The following CERS6 variants were observed in gnomAD, a reference collection of about 807,000 sequenced individuals.
The protein encoded by CERS6 is ceramide synthase 6.
Under a neutral mutation model 56.8 loss-of-function variants are expected in CERS6, and 26 were observed. The ratio of observed to expected loss-of-function variants is 0.46; its 90% CI spans 0.34 to 0.63. CERS6 has a LOEUF of 0.63. Ranked by LOEUF, CERS6 falls within the 30% of genes least tolerant of loss-of-function variation. CERS6 has a pLI of 0.01. For missense variants in CERS6, 415 were observed against 467.5 expected (o/e 0.89, Z 1.04); for synonymous variants, 164 against 173.3 (o/e 0.95, Z 0.42).
At chr2:168,461,904 G>A (rs1287369235) in intron 1 of CERS6, among the ~76,000 whole-genome samples, 1 of 152,186 alleles carries the variant, frequency 6.6e-6, no homozygotes, top group Non-Finnish European at 1.5e-5. Context: ...CTTCTGTGAT[G>A]GGGAAGGACA....
chr2:168,722,697 C>T lies in CERS6; in HGVS notation c.845+4719C>T, dbSNP rs937513909. Among the ~76,000 whole-genome samples, 34 of 152,302 alleles carry T rather than the reference C, an allele frequency of 2.2e-4. 1 individual carries two copies. In the East Asian group the frequency reaches 5.6e-3, roughly 25 times the overall value. On this transcript the variant is annotated intron_variant, in intron 8 of 9. Coordinates refer to ENST00000305747, the MANE Select transcript of CERS6 (RefSeq NM_203463.3). The stretch of plus-strand genomic sequence containing the variant: ...GGCCTGCTTCCTAAGTTGACTCATT[C>T]GTCCTGCCTGGGAACTCTTCATCCT...
intron 1 of CERS6, among the ~76,000 whole-genome samples, chr2:168,489,471 AT>A (rs77499015): frequency 0.098 from 13,240 of 135,062 alleles, 579 homozygotes; most frequent in African/African-American, 0.14. Context: ...TTCTCCACCA[AT>A]TTTTTTTTTT....
chr2:168,493,698 A>C (rs1320520400), intron 1 of CERS6, among the ~76,000 whole-genome samples: 2 of 152,110 alleles, frequency 1.3e-5, no homozygotes, highest in African/African-American at 4.8e-5. Flanking sequence ...TTACAGTCTT[A>C]TTGTGGGTGA....
At chr2:168,724,610 A>T (rs1683288353) in intron 8 of CERS6, among the ~76,000 whole-genome samples, 1 of 152,030 alleles carries the variant, frequency 6.6e-6, no homozygotes, top group Non-Finnish European at 1.5e-5. Context: ...GTGTATTTAC[A>T]ATCCCTGAGC....
At chr2:168,675,857 T>C (rs1686045524) in intron 4 of CERS6, among the ~76,000 whole-genome samples, 2 of 151,860 alleles carry the variant, frequency 1.3e-5, no homozygotes, top group Admixed American at 6.6e-5. Context: ...CAGCTAATTT[T>C]TGTATTTTTA....
intron 2 of CERS6, among the ~76,000 whole-genome samples, chr2:168,557,328 T>C (rs1413556664): frequency 6.6e-6 from 1 of 152,186 alleles, no homozygotes; most frequent in Non-Finnish European, 1.5e-5. Flanking sequence ...TAAATAAAGA[T>C]GTTAATTCAC....
intron 2 of CERS6, among the ~76,000 whole-genome samples, chr2:168,559,584 A>G (rs1695747034): frequency 6.6e-6 from 1 of 151,284 alleles, no homozygotes; most frequent in Non-Finnish European, 1.5e-5. Context: ...CGAGAGGTTC[A>G]CCCTCATGAT....
In CERS6 at chr2:168,531,970, A is replaced by G. The variant is rs148807227; in HGVS notation, c.171-15626A>G. ...GCTCCATTGTGAGAGGTGCTCAGAC[A>G]AAATTTGCCAGGTAGATTTTATTGT... On this transcript the variant is annotated intron_variant, in intron 1 of 9. Transcript: ENST00000305747. 6.4e-3 allele frequency among the ~76,000 whole-genome samples: 975 copies of G among 152,330 alleles called. 9 individuals carry two copies. The highest frequency in any genetic ancestry group is 0.021 in the African/African-American group (865 of 41,560).
rs1453437982 is a variant in CERS6 at position 168,456,676 on chromosome 2, A to G, written c.170+58A>G. 6.6e-7 allele frequency: 1 copy of G among 1,514,670 alleles called. No homozygotes were observed. The highest frequency in any genetic ancestry group is 2.4e-5 in the East Asian group (1 of 41,652). 93.8% of individuals were successfully genotyped at this position (1,514,670 alleles called of 1,614,324 possible). On this transcript the variant is annotated intron_variant, in intron 1 of 9. Coordinates refer to ENST00000305747, the MANE Select transcript of CERS6 (RefSeq NM_203463.3). The surrounding 1 kb of genome is among the most constrained non-coding windows in gnomAD (Gnocchi z 4.1). The stretch of plus-strand genomic sequence containing the variant: ...CCTGCGCACACACACGCGCGCACAC[A>G]CTCGCGCGCTCTCTGGCGCACGCCC...
At chr2:168,610,017 G>A (rs1390119632) in intron 3 of CERS6, among the ~76,000 whole-genome samples, 1 of 114,798 alleles carries the variant, frequency 8.7e-6, no homozygotes, top group East Asian at 2.9e-4. Flanking sequence ...TCGCTATGTT[G>A]CCCAGGCTGG....
chr2:168,706,058 A>G (rs948588384), intron 6 of CERS6, among the ~76,000 whole-genome samples: 1 of 152,190 alleles, frequency 6.6e-6, no homozygotes, highest in Non-Finnish European at 1.5e-5. Flanking sequence ...GCTCGTAGTG[A>G]TAGAGAGCTT....
intron 4 of CERS6, among the ~76,000 whole-genome samples, chr2:168,670,976 C>A (rs373692836): frequency 0.034 from 2,555 of 75,928 alleles, 269 homozygotes; most frequent in African/African-American, 0.081. Flanking sequence ...TCCCCCCCCC[C>A]CCCCAGACGG....
At chr2:168,520,187 G>C (rs2105355784) in intron 1 of CERS6, among the ~76,000 whole-genome samples, 1 of 152,240 alleles carries the variant, frequency 6.6e-6, no homozygotes, top group Admixed American at 6.5e-5. Flanking sequence ...GATTAGTGAT[G>C]TTGAACATTT....
intron 2 of CERS6, among the ~76,000 whole-genome samples, chr2:168,552,427 A>G (rs1695592889): frequency 6.6e-6 from 1 of 151,982 alleles, no homozygotes; most frequent in South Asian, 2.1e-4. Context: ...AAAATGAAAG[A>G]AAATCTCACA....
rs768016796 is a variant in CERS6 at position 168,627,716 on chromosome 2, A to G, written c.408-3269A>G. On this transcript the variant is annotated intron_variant, in intron 3 of 9. Coordinates refer to ENST00000305747, the MANE Select transcript of CERS6 (RefSeq NM_203463.3). ...ATTGATATTGTTTGGAATGCAATTT[A>G]GTTGTCTTTTTTTTCAGTTCACATT... Among the ~76,000 whole-genome samples the G allele has an allele frequency of 2.9e-4, 44 of 151,276 alleles. No individual in the cohort carries two copies. In the Middle Eastern group the frequency reaches 0.017, roughly 59 times the overall value.
intron 2 of CERS6, among the ~76,000 whole-genome samples, chr2:168,560,750 T>A (rs1280768294): frequency 2.6e-5 from 4 of 152,210 alleles, no homozygotes; most frequent in Non-Finnish European, 5.9e-5. Flanking sequence ...TACATTATCC[T>A]GATATGTGAT....
chr2:168,736,905 G>A (rs953719889), intron 8 of CERS6, among the ~76,000 whole-genome samples: 2 of 152,172 alleles, frequency 1.3e-5, no homozygotes, highest in South Asian at 2.1e-4. Flanking sequence ...CACAGAAGGT[G>A]ATGAAATTCT....
intron 8 of CERS6, among the ~76,000 whole-genome samples, chr2:168,738,879 G>A (rs192445688): frequency 2.6e-5 from 4 of 151,810 alleles, no homozygotes; most frequent in Non-Finnish European, 5.9e-5. Context: ...GAAGTTGTTT[G>A]TTTGTTTGTT....
At chr2:168,457,111 C>CG (rs1296060615) in intron 1 of CERS6, among the ~76,000 whole-genome samples, 1 of 152,206 alleles carries the variant, frequency 6.6e-6, no homozygotes, top group Non-Finnish European at 1.5e-5. Flanking sequence ...CTCCGGCACA[C>CG]GGATTGTAGG....
Sources: allele counts gnomAD v4.1 joint callset (sites outside exome capture counted in the v4.1 genomes callset), GRCh38; gene constraint gnomAD v4.1.1; non-coding constraint Gnocchi (gnomAD v3.1); transcripts MANE v1.5; gene names NCBI Gene and HGNC (gene_info 2026-07-23, HGNC 2026-07-21).